GRM7: variants seen among roughly 807,000 people sequenced by gnomAD.
The protein encoded by GRM7 is metabotropic glutamate receptor 7.
Under a neutral mutation model 84.5 loss-of-function variants are expected in GRM7, and 35 were observed. That is an observed-to-expected ratio of 0.41 (90% CI 0.32 to 0.55). The LOEUF is 0.55. Ranked by LOEUF, GRM7 falls within the 20% of genes least tolerant of loss-of-function variation. The pLI is 0.19. For synonymous variants in GRM7, 487 were observed against 455.1 expected, an observed-to-expected ratio of 1.07 and a Z score of -0.89; for missense variants, 1,003 against 1,194.6, an observed-to-expected ratio of 0.84 and a Z score of 2.36.
chr3:6,904,668 C>T (rs185748849), intron 1 of GRM7, among the ~76,000 whole-genome samples: 163 of 151,804 alleles, frequency 1.1e-3, no homozygotes, highest in African/African-American at 3.3e-3. Flanking sequence ...GTTGCATTTT[C>T]CATTTCTCAC....
At chr3:7,433,688 A>G (rs979212074) in intron 5 of GRM7, among the ~76,000 whole-genome samples, 2 of 152,212 alleles carry the variant, frequency 1.3e-5, no homozygotes, top group African/African-American at 4.8e-5. Flanking sequence ...TTCTTCCAGG[A>G]CTATTCTTGA....
chr3:7,327,631 C>G (rs922858504), intron 4 of GRM7, among the ~76,000 whole-genome samples: 1 of 152,186 alleles, frequency 6.6e-6, no homozygotes, highest in Non-Finnish European at 1.5e-5. Context: ...ATAAAGTATT[C>G]CTAAAATTGG....
chr3:7,354,542 A>G (rs1693303343), intron 4 of GRM7, among the ~76,000 whole-genome samples: 1 of 152,136 alleles, frequency 6.6e-6, no homozygotes, highest in African/African-American at 2.4e-5. Flanking sequence ...GGAAAATCGT[A>G]AGACAGAAAC....
chr3:7,597,378 C>T (rs951064397), intron 8 of GRM7, among the ~76,000 whole-genome samples: 5 of 152,166 alleles, frequency 3.3e-5, no homozygotes, highest in Non-Finnish European at 7.3e-5. Context: ...GGGGATTACA[C>T]TTCAACATGA....
chr3:7,136,170 T>C (rs1693764073), intron 1 of GRM7, among the ~76,000 whole-genome samples: 1 of 151,532 alleles, frequency 6.6e-6, no homozygotes. Context: ...GGATTTAATA[T>C]ATTATTTTTA....
chr3:7,250,362 G>A (rs140330993), intron 2 of GRM7, among the ~76,000 whole-genome samples: 1,945 of 148,612 alleles, frequency 0.013, 23 homozygotes, highest in Admixed American at 0.023. Context: ...AGTTTAAAGA[G>A]TGAGTATATT....
chr3:7,317,055 TC>T (rs1172281243), intron 4 of GRM7, among the ~76,000 whole-genome samples: 2 of 152,166 alleles, frequency 1.3e-5, no homozygotes, highest in African/African-American at 4.8e-5. Context: ...TGGAGCGATT[TC>T]ATCAGCTTCA....
At chr3:7,357,278 A>G (rs1258237826) in intron 4 of GRM7, among the ~76,000 whole-genome samples, 1 of 152,012 alleles carries the variant, frequency 6.6e-6, no homozygotes, top group Non-Finnish European at 1.5e-5. Context: ...TAAAGGATAT[A>G]CAAGGAAAAG....
chr3:7,463,562 G>A (rs1341507547), intron 7 of GRM7, among the ~76,000 whole-genome samples: 1 of 152,082 alleles, frequency 6.6e-6, no homozygotes, highest in Non-Finnish European at 1.5e-5. Flanking sequence ...CTAGGATGGA[G>A]TTACATGGTA....
intron 5 of GRM7, among the ~76,000 whole-genome samples, chr3:7,451,311 A>G (rs1056596564): frequency 3.3e-5 from 5 of 152,182 alleles, no homozygotes; most frequent in African/African-American, 1.2e-4. Context: ...TGTCTTGGAC[A>G]CCTGGTAGAG....
chr3:7,258,902 GCA>G, intron 2 of GRM7, among the ~76,000 whole-genome samples: 1 of 152,348 alleles, frequency 6.6e-6, no homozygotes, highest in Non-Finnish European at 1.5e-5. Flanking sequence ...GGTAAATGTG[GCA>G]ATCCAAGATG....
intron 8 of GRM7, among the ~76,000 whole-genome samples, chr3:7,652,216 A>G (rs1052733791): frequency 5.9e-5 from 9 of 152,202 alleles, no homozygotes; most frequent in African/African-American, 2.2e-4. Context: ...GGGGGAAACC[A>G]GTAATAATCA....
At chr3:7,320,238 C>T (rs575464479) in intron 4 of GRM7, among the ~76,000 whole-genome samples, 11 of 151,772 alleles carry the variant, frequency 7.2e-5, no homozygotes, top group African/African-American at 1.4e-4. Flanking sequence ...ATGGCTGAGA[C>T]GCCTATAACA....
intron 2 of GRM7, among the ~76,000 whole-genome samples, chr3:7,265,861 A>T (rs1248447347): frequency 6.6e-6 from 1 of 152,146 alleles, no homozygotes; most frequent in African/African-American, 2.4e-5. Context: ...GAGGAAATGC[A>T]CATCTTTTGA....
intron 7 of GRM7, among the ~76,000 whole-genome samples, chr3:7,540,288 C>T (rs190400772): frequency 1.3e-5 from 2 of 152,300 alleles, no homozygotes; most frequent in Non-Finnish European, 2.9e-5. Context: ...TAAATGTTCA[C>T]AGCACCATTA....
At chr3:6,990,613 T>A (rs1694598733) in intron 1 of GRM7, among the ~76,000 whole-genome samples, 1 of 151,722 alleles carries the variant, frequency 6.6e-6, no homozygotes, top group African/African-American at 2.4e-5. Context: ...AAATGCTGGG[T>A]TTTCATTATC....
At chr3:6,987,811 G>A (rs1304426149) in intron 1 of GRM7, among the ~76,000 whole-genome samples, 1 of 152,148 alleles carries the variant, frequency 6.6e-6, no homozygotes, top group Non-Finnish European at 1.5e-5. Context: ...AGACCAGGAA[G>A]GTGGTTCTGG....
chr3:7,554,320 G>A (rs1290639701), intron 7 of GRM7, among the ~76,000 whole-genome samples: 1 of 152,130 alleles, frequency 6.6e-6, no homozygotes, highest in East Asian at 1.9e-4. Flanking sequence ...TCACTTTGTT[G>A]CATTGGCTTC....
intron 1 of GRM7, among the ~76,000 whole-genome samples, chr3:6,963,482 T>C (rs894209387): frequency 2.0e-5 from 3 of 152,160 alleles, no homozygotes; most frequent in African/African-American, 7.2e-5. Flanking sequence ...ACTAATAACC[T>C]GGGCATGGCG....
Sources: allele counts gnomAD v4.1 joint callset (sites outside exome capture counted in the v4.1 genomes callset), GRCh38; gene constraint gnomAD v4.1.1; transcripts MANE v1.5; gene names NCBI Gene and HGNC (gene_info 2026-07-23, HGNC 2026-07-21).